Variants in PRKG1 observed in about 807,000 individuals in gnomAD.
PRKG1 encodes protein kinase cGMP-dependent 1.
Under a neutral mutation model 88.1 loss-of-function variants are expected in PRKG1, and 35 were observed. That is an observed-to-expected ratio of 0.40 (90% CI 0.30 to 0.53). The LOEUF is 0.53. Ranked by LOEUF, PRKG1 falls within the 20% of genes least tolerant of loss-of-function variation. The pLI, the probability that PRKG1 is intolerant of heterozygous loss-of-function variation, is 0.59. For synonymous variants in PRKG1, 303 were observed against 292.5 expected, an observed-to-expected ratio of 1.04 and a Z score of -0.37; for missense variants, 540 against 839.8, an observed-to-expected ratio of 0.64 and a Z score of 4.41.
At chr10:51,796,901 T>C (rs1203837648) in intron 3 of PRKG1, among the ~76,000 whole-genome samples, 1 of 152,124 alleles carries the variant, frequency 6.6e-6, no homozygotes, top group Non-Finnish European at 1.5e-5. Context: ...TGTGTCTATA[T>C]AGCCTGTTGG....
intron 8 of PRKG1, among the ~76,000 whole-genome samples, chr10:52,145,341 C>A (rs182733071): frequency 2.0e-5 from 3 of 152,190 alleles, no homozygotes; most frequent in African/African-American, 7.2e-5. Flanking sequence ...TTTAGAAATT[C>A]ACAATGTCTT....
intron 3 of PRKG1, among the ~76,000 whole-genome samples, chr10:51,785,723 A>G (rs893778473): frequency 4.6e-5 from 7 of 152,112 alleles, no homozygotes; most frequent in African/African-American, 1.7e-4. Flanking sequence ...GCCATGCTCA[A>G]TACATGTCTG....
rs116706359 is a variant in PRKG1, at chr10:51,707,660, T to C, written c.593-96925T>C. 3.7e-3 allele frequency among the ~76,000 whole-genome samples: 568 copies of C among 152,224 alleles called. 4 individuals carry two copies. Among genetic ancestry groups the C allele is most frequent in the African/African-American group, 0.013 (557 of 41,528 alleles). On this transcript the variant is annotated intron_variant, in intron 3 of 17. Coordinates refer to ENST00000373980, the MANE Select transcript of PRKG1 (RefSeq NM_006258.4). Reference sequence around the variant, plus strand: ...GAGAAATGTGTAAACTGCCACTCACTTCAGAAATTTGGCTAGTATATCTCT... The same window carrying C: ...GAGAAATGTGTAAACTGCCACTCACCTCAGAAATTTGGCTAGTATATCTCT...
chr10:52,186,213 A>G (rs1305005389), intron 9 of PRKG1, among the ~76,000 whole-genome samples: 1 of 152,202 alleles, frequency 6.6e-6, no homozygotes, highest in Non-Finnish European at 1.5e-5. Context: ...GAGCCTTAGG[A>G]AACTTCCAGT....
chr10:52,289,105 A>C, intron 16 of PRKG1, 112 bp downstream of exon 16: 1 of 1,039,386 alleles, frequency 9.6e-7, no homozygotes, highest in South Asian at 1.6e-5. Flanking sequence ...ACATCCAAAG[A>C]CAGCGTATAA....
At chr10:51,017,466 A>G (rs1843082086) in intron 1 of PRKG1, among the ~76,000 whole-genome samples, 2 of 152,312 alleles carry the variant, frequency 1.3e-5, no homozygotes, top group South Asian at 4.1e-4. Context: ...GTTTGAATGA[A>G]AATAAGATAA....
intron 2 of PRKG1, among the ~76,000 whole-genome samples, chr10:51,269,289 G>C (rs1839916730): frequency 6.6e-6 from 1 of 152,128 alleles, no homozygotes; most frequent in South Asian, 2.1e-4. Context: ...ATGTAAACTA[G>C]TATAATCACT....
chr10:51,515,687 C>T (rs1367392085), intron 3 of PRKG1, among the ~76,000 whole-genome samples: 1 of 152,176 alleles, frequency 6.6e-6, no homozygotes, highest in Non-Finnish European at 1.5e-5. Context: ...TCTTCACACA[C>T]AATGAGTACC....
chr10:52,157,308 T>TAG (rs1564494146), intron 8 of PRKG1, among the ~76,000 whole-genome samples: 14 of 12,070 alleles, frequency 1.2e-3, no homozygotes, highest in Non-Finnish European at 1.6e-3. Context: ...AGTTAGTTGA[T>TAG]ATATATATAT....
intron 1 of PRKG1, among the ~76,000 whole-genome samples, chr10:51,059,716 A>G (rs1843673154): frequency 6.6e-6 from 1 of 152,058 alleles, no homozygotes; most frequent in South Asian, 2.1e-4. Flanking sequence ...ATTTGTTGAG[A>G]CTTGTTTTAT....
chr10:52,212,826 G>A (rs545546237), intron 9 of PRKG1, among the ~76,000 whole-genome samples: 1 of 152,202 alleles, frequency 6.6e-6, no homozygotes, highest in Non-Finnish European at 1.5e-5. Flanking sequence ...GTTAGATATT[G>A]TTTTTCGCAA....
chr10:51,677,394 G>C (rs1238709540), intron 3 of PRKG1, among the ~76,000 whole-genome samples: 1 of 152,112 alleles, frequency 6.6e-6, no homozygotes, highest in African/African-American at 2.4e-5. Context: ...GCATTTTAAA[G>C]TGGAAGTGAC....
At chr10:52,062,867 C>T in intron 7 of PRKG1, 1 of 702,062 alleles carries the variant, frequency 1.4e-6, no homozygotes, top group South Asian at 1.6e-5. Context: ...TAATTGGAAA[C>T]ATTTTCAGGT....
rs573515772 is a variant in PRKG1, at chr10:51,730,195, G to A, written c.593-74390G>A. ...TGGAGCTGATGCTCCAGAGGCTGTT[G>A]CAAGGATGTGCCCTCAGGCGAGGGC... On this transcript the variant is annotated intron_variant, in intron 3 of 17. Coordinates refer to ENST00000373980, the MANE Select transcript of PRKG1 (RefSeq NM_006258.4). Among the ~76,000 whole-genome samples the A allele has an allele frequency of 1.8e-4, 27 of 152,246 alleles. No individual in the cohort carries two copies. The South Asian group carries it at 4.8e-3, about 27-fold the overall frequency.
intron 3 of PRKG1, among the ~76,000 whole-genome samples, chr10:51,643,071 A>C (rs1411368426): frequency 1.3e-5 from 2 of 152,112 alleles, no homozygotes; most frequent in African/African-American, 4.8e-5. Context: ...GTAATGATAG[A>C]CACTGTGATT....
intron 2 of PRKG1, among the ~76,000 whole-genome samples, chr10:51,437,272 G>A (rs1401090026): frequency 1.3e-5 from 2 of 151,812 alleles, no homozygotes; most frequent in Admixed American, 6.6e-5. Flanking sequence ...TTCATGTAAG[G>A]AACTAGACTA....
At chr10:51,887,205 G>A (rs552633344) in intron 4 of PRKG1, among the ~76,000 whole-genome samples, 15 of 152,192 alleles carry the variant, frequency 9.9e-5, no homozygotes, top group Non-Finnish European at 1.8e-4. Context: ...GGCTGGCCTC[G>A]AACGCCTGGC....
intron 3 of PRKG1, among the ~76,000 whole-genome samples, chr10:51,472,458 C>T (rs537143068): frequency 6.6e-6 from 1 of 151,970 alleles, no homozygotes; most frequent in East Asian, 1.9e-4. Flanking sequence ...TACATATGAT[C>T]TATATCTCAT....
chr10:51,284,865 C>CTTTTTTTTTTTTTTTTTTTTTTTATT (rs5784867), intron 2 of PRKG1, among the ~76,000 whole-genome samples: 1 of 51,694 alleles, frequency 1.9e-5, no homozygotes, highest in Non-Finnish European at 3.6e-5. Context: ...GTTGTGGGTA[C>CTTTTTTTTTTTTTTTTTTTTTTTATT]TTTTTTTTTT....
Sources: gnomAD v4.1 joint callset for allele counts (sites outside exome capture counted in the v4.1 genomes callset) on GRCh38, gnomAD v4.1.1 for gene constraint, MANE v1.5 for transcripts, NCBI Gene and HGNC (gene_info 2026-07-23, HGNC 2026-07-21) for gene names.